Variants in MKNK2 observed in about 807,000 individuals in gnomAD.
MKNK2 encodes MAPK interacting serine/threonine kinase 2, also known as MAP kinase-interacting serine/threonine-protein kinase 2.
Under a neutral mutation model 55.0 loss-of-function variants are expected in MKNK2, and 54 were observed. That is an observed-to-expected ratio of 0.98 (90% CI 0.79 to 1.23). The LOEUF is 1.23. MKNK2 is among the 50% of genes most tolerant of loss of function. The pLI is 0.00. For missense variants in MKNK2, 685 were observed against 632.1 expected (o/e 1.08, Z -0.90); for synonymous variants, 323 against 256.0 (o/e 1.26, Z -2.50).
Position 2,039,527 on chromosome 19 carries a change from G to T in MKNK2, c.*86C>A. On this transcript the variant is annotated 3_prime_UTR_variant, in exon 14 of 14. Coordinates refer to ENST00000250896, the MANE Select transcript of MKNK2 (RefSeq NM_199054.3). ...AATCCAGGCAGAGGAGGGGCAGCCCGCTGGACACCGGCTGGCGATAGCTTA... is the reference window on the plus strand; with the variant it reads ...AATCCAGGCAGAGGAGGGGCAGCCCTCTGGACACCGGCTGGCGATAGCTTA... The T allele has an allele frequency of 2.0e-6, 3 of 1,488,058 alleles. No homozygotes were observed. Among genetic ancestry groups the T allele is most frequent in the Non-Finnish European group, 2.7e-6 (3 of 1,116,190 alleles). 92.2% of individuals were successfully genotyped at this position (1,488,058 alleles called of 1,614,324 possible). A position where few individuals can be genotyped will look rare whatever the true frequency, so the allele number is the denominator to read the frequency against.
At position 2,039,801 on chromosome 19, in the gene MKNK2, G is replaced by T; in HGVS notation, c.1210C>A (p.Arg404=). 6.2e-7 allele frequency: 1 copy of T among 1,605,996 alleles called. No homozygotes were observed. Among genetic ancestry groups the T allele is most frequent in the Non-Finnish European group, 8.5e-7 (1 of 1,179,162 alleles). Residue 404 remains arginine (R), a synonymous_variant, in exon 14 of 14, where the codon CGG becomes AGG. Coordinates refer to ENST00000250896, the MANE Select transcript of MKNK2 (RefSeq NM_199054.3). ...TCCTCGTCGTGCTGGGCCAGCTGCC[G>T]GTTCATGGCAATGGCCTCAGCCGCG... The part of the protein sequence containing the change: ...SFAAEAIAMN[R]QLAQHDEDLA...
At chr19:2,048,461 A>G (rs1423316373) in intron 2 of MKNK2, among the ~76,000 whole-genome samples, 1 of 151,976 alleles carries the variant, frequency 6.6e-6, no homozygotes, top group Non-Finnish European at 1.5e-5. Flanking sequence ...TGTACCACTG[A>G]GCTCTCACTC....
intron 2 of MKNK2, among the ~76,000 whole-genome samples, chr19:2,049,908 GACACACAC>G (rs139985045): frequency 6.6e-6 from 1 of 151,860 alleles, no homozygotes; most frequent in African/African-American, 2.4e-5. Context: ...ACAAGACAGA[GACACACAC>G]ACACACAAAC....
In MKNK2 at chr19:2,037,664, G is replaced by GT. The variant is rs201290425; in HGVS notation, c.*1948dup. On this transcript the variant is annotated 3_prime_UTR_variant, in exon 14 of 14. Transcript: ENST00000250896. The stretch of plus-strand genomic sequence containing the variant: ...TTTTTTTTTGTCTTTTAAAAACATC[G>GT]TAACATTAACACATGGCCGTTCACC... 1,842 of 906,956 alleles carry GT rather than the reference G, an allele frequency of 2.0e-3. 28 individuals carry two copies. The African/African-American group carries it at 0.03, about 15-fold the overall frequency. 56.2% of individuals were successfully genotyped at this position (906,956 alleles called of 1,614,324 possible).
Position 2,042,468 on chromosome 19 carries a change from C to T in MKNK2, c.709G>A (p.Gly237Arg). 1 of 1,594,368 alleles carries T rather than the reference C, an allele frequency of 6.3e-7. No homozygotes were observed. Among genetic ancestry groups the T allele is most frequent in the Non-Finnish European group, 8.5e-7 (1 of 1,172,042 alleles). The change falls in exon 10 of 14, where the codon GGG (glycine) becomes AGG (arginine). Residue 237 changes from glycine (G) to arginine (R), a missense_variant. Gly to Arg is a moderately radical substitution (Grantham distance 125). Transcript: ENST00000250896. ...FDLGSGIKLN[G>R]DCSPISTPEL... ...GGGGTGGAGATAGGGGAGCAGTCCC[C>T]GTTGAGTTTGATGCCGCTGCCCAGG...
At chr19:2,041,795 G>A (rs1228212454) in intron 11 of MKNK2, 45 bp downstream of exon 11, 2 of 1,456,836 alleles carry the variant, frequency 1.4e-6, no homozygotes, top group East Asian at 2.6e-5. Context: ...GGCAGGCCCG[G>A]GGGAGGAGGG....
chr19:2,046,281 C>T lies in MKNK2; in HGVS notation c.244G>A (p.Val82Ile), dbSNP rs746748190. Reference protein sequence around the residue: ...TDSFSGRFEDVYQLQEDVLGE... With the variant: ...TDSFSGRFEDIYQLQEDVLGE... ...AGCACATCTTCCTGCAGCTGGTAGA[C>T]GTCTGCCGGGCAGCGGGGCGGGCGT... The change falls in exon 5 of 14, where the codon GTC becomes ATC. Residue 82 changes from valine (V) to isoleucine (I), a missense_variant and splice_region_variant. Coordinates refer to ENST00000250896, the MANE Select transcript of MKNK2 (RefSeq NM_199054.3). 10 of 1,604,134 alleles carry T rather than the reference C, an allele frequency of 6.2e-6. No homozygotes were observed. In the East Asian group the frequency reaches 6.7e-5, roughly 11 times the overall value.
intron 12 of MKNK2, chr19:2,040,425 G>A (rs1310609565): frequency 5.9e-6 from 3 of 510,966 alleles, no homozygotes. Context: ...AGGACCCAGT[G>A]AGGGTGGGGG....
At chr19:2,044,373 C>T (rs2016955787) in intron 5 of MKNK2, among the ~76,000 whole-genome samples, 1 of 152,224 alleles carries the variant, frequency 6.6e-6, no homozygotes, top group South Asian at 2.1e-4. Flanking sequence ...GCGGATCCAG[C>T]CTCCCTGAGC....
chr19:2,050,716 A>C (rs2017097228), intron 2 of MKNK2, 85 bp downstream of exon 2: 4 of 1,337,976 alleles, frequency 3.0e-6, no homozygotes, highest in Admixed American at 2.1e-5. Context: ...CCGGGAGCCG[A>C]TCTTAGGGGC....
intron 5 of MKNK2, 140 bp downstream of exon 5, chr19:2,046,046 G>A: frequency 1.3e-6 from 1 of 793,936 alleles, no homozygotes; most frequent in East Asian, 2.5e-5. Context: ...TTCCCGACTG[G>A]ACTCAGGGCC....
At chr19:2,049,951 TCTTC>T (rs2017078293) in intron 2 of MKNK2, among the ~76,000 whole-genome samples, 1 of 152,060 alleles carries the variant, frequency 6.6e-6, no homozygotes, top group South Asian at 2.1e-4. Context: ...TCACACTCTC[TCTTC>T]CTCTCTCCAG....
chr19:2,050,703 GC>G lies in MKNK2; in HGVS notation c.51+97del, dbSNP rs1030369220. On this transcript the variant is annotated intron_variant, in intron 2 of 13. Transcript: ENST00000250896. ...GGTGTAGGGCGGGGGCCAGGCACGA[GC>G]CCCGGGAGCCGATCTTAGGGGCGGG... 36 of 1,189,002 alleles carry G rather than the reference GC, an allele frequency of 3.0e-5. No individual in the cohort carries two copies. In the African/African-American group the frequency reaches 3.8e-4, roughly 13 times the overall value. The allele number at this position is 1,189,002 out of a possible 1,614,324, so 73.7% of individuals were successfully genotyped here.
In MKNK2 at chr19:2,038,454, G is replaced by T. The variant is rs1018089699; in HGVS notation, c.*1159C>A. The T allele has an allele frequency of 1.0e-6, 1 of 985,264 alleles. No homozygotes were observed. The allele number at this position is 985,264 out of a possible 1,614,324, so 61.0% of individuals were successfully genotyped here. A position where few individuals can be genotyped will look rare whatever the true frequency, so the allele number is the denominator to read the frequency against. ...CGGGGAGGGGGCAGCAGGCTCCGCAGCCCCCGGGGGTTGGAGCATGGAGGG... is the reference window on the plus strand; with the variant it reads ...CGGGGAGGGGGCAGCAGGCTCCGCATCCCCCGGGGGTTGGAGCATGGAGGG... On this transcript the variant is annotated 3_prime_UTR_variant, in exon 14 of 14. Transcript: ENST00000250896.
intron 3 of MKNK2, 64 bp from the exon 4 acceptor site, chr19:2,046,532 C>G (rs1229734895): frequency 1.3e-6 from 2 of 1,559,942 alleles, no homozygotes; most frequent in South Asian, 2.3e-5. Flanking sequence ...CCCCACCCCC[C>G]TGCAGGGGCT....
chr19:2,040,716 G>A (rs562490402), intron 12 of MKNK2: 18 of 389,394 alleles, frequency 4.6e-5, no homozygotes, highest in African/African-American at 2.0e-4. Context: ...TGAGACTGAC[G>A]GCAGGCTAGG....
rs2016921324 is a variant in MKNK2, at chr19:2,042,848, G to A, written c.516C>T (p.His172=). The change falls in exon 8 of 14, where the codon CAC becomes CAT. Residue 172 remains histidine (H), a synonymous_variant. Coordinates refer to ENST00000250896, the MANE Select transcript of MKNK2 (RefSeq NM_199054.3). ...CCAGCTCGTTGAAGTGCCGGCGCTT[G>A]TGGATGTGGCTCAGGATGGAGCCTG... is the stretch of plus-strand genomic sequence containing the variant. ...MRGGSILSHI[H]KRRHFNELEA... 2 of 1,572,478 alleles carry A rather than the reference G, an allele frequency of 1.3e-6. No homozygotes were observed. Among genetic ancestry groups the A allele is most frequent in the Non-Finnish European group, 1.7e-6 (2 of 1,159,246 alleles).
At chr19:2,049,500 C>T (rs574889003) in intron 2 of MKNK2, among the ~76,000 whole-genome samples, 70 of 152,298 alleles carry the variant, frequency 4.6e-4, no homozygotes, top group African/African-American at 1.7e-3. Context: ...GCTGCCCTGG[C>T]CATGCACAGA....
At chr19:2,048,621 G>A (rs1328700784) in intron 2 of MKNK2, among the ~76,000 whole-genome samples, 2 of 152,148 alleles carry the variant, frequency 1.3e-5, no homozygotes, top group Non-Finnish European at 2.9e-5. Flanking sequence ...CAAGAGGGTC[G>A]TTCAGCAGAA....
Sources: allele counts gnomAD v4.1 joint callset (sites outside exome capture counted in the v4.1 genomes callset), GRCh38; gene constraint gnomAD v4.1.1; transcripts MANE v1.5; gene names NCBI Gene and HGNC (gene_info 2026-07-23, HGNC 2026-07-21).